Variants in COL4A5 observed in about 807,000 individuals in gnomAD.
The protein encoded by COL4A5 is collagen type IV alpha 5 chain.
Under a neutral mutation model 130.2 loss-of-function variants are expected in COL4A5, and 26 were observed. The observed-to-expected ratio is 0.20, with a 90% CI of 0.15 to 0.28. COL4A5 has a LOEUF of 0.28. Among genes scored for constraint, COL4A5 ranks in the 10% least tolerant of loss-of-function variants. COL4A5 has a pLI of 1.00. For missense variants in COL4A5, 1,131 were observed against 1,344.3 expected, an observed-to-expected ratio of 0.84 and a Z score of 2.48; for synonymous variants, 496 against 439.6, an observed-to-expected ratio of 1.13 and a Z score of -1.60.
At chrX:108,681,042 C>T (rs1441505797) in intron 46 of COL4A5, 86 bp downstream of exon 46, 1 of 844,048 alleles carries the variant, frequency 1.2e-6, no homozygotes, top group Non-Finnish European at 1.8e-6. Context: ...TTCAGCCAGA[C>T]CATCGGAGGC....
intron 30 of COL4A5, among the ~76,000 whole-genome samples, chrX:108,617,815 G>T (rs1213097809): frequency 9.0e-6 from 1 of 111,327 alleles, no homozygotes; most frequent in South Asian, 3.7e-4. Context: ...AAAGCATATG[G>T]CTAAATCAGC....
At chrX:108,480,502 T>C (rs922119833) in intron 1 of COL4A5, among the ~76,000 whole-genome samples, 2 of 113,042 alleles carry the variant, frequency 1.8e-5, no homozygotes, top group Non-Finnish European at 3.7e-5. Context: ...TCAAGGTCTC[T>C]CTGAATAAGA....
intron 2 of COL4A5, among the ~76,000 whole-genome samples, chrX:108,540,849 A>G (rs781419065): frequency 8.9e-6 from 1 of 112,559 alleles, no homozygotes; most frequent in African/African-American, 3.2e-5. Flanking sequence ...CCTAATCACT[A>G]TCAGTGAATG....
At chrX:108,458,968 A>C (rs1175880544) in intron 1 of COL4A5, among the ~76,000 whole-genome samples, 10 of 73,937 alleles carry the variant, frequency 1.4e-4, no homozygotes, top group Non-Finnish European at 2.4e-4. Flanking sequence ...TGACAGCGAG[A>C]CTCCGTCTCA....
intron 36 of COL4A5, among the ~76,000 whole-genome samples, chrX:108,654,290 T>G (rs1310067603): frequency 8.9e-6 from 1 of 112,401 alleles, no homozygotes; most frequent in Non-Finnish European, 1.9e-5. Context: ...CGGTTATACA[T>G]ATGTGAATTA....
At chrX:108,558,733 G>A (rs1486558498) in intron 2 of COL4A5, among the ~76,000 whole-genome samples, 2 of 110,948 alleles carry the variant, frequency 1.8e-5, no homozygotes, top group Non-Finnish European at 1.9e-5. Flanking sequence ...CTTATTTAAT[G>A]TAACCCTTAC....
chrX:108,546,435 C>T (rs1173166251), intron 2 of COL4A5, among the ~76,000 whole-genome samples: 2 of 111,949 alleles, frequency 1.8e-5, no homozygotes, highest in Non-Finnish European at 3.8e-5. Flanking sequence ...TGAATATTGG[C>T]CCCCACTCTC....
intron 47 of COL4A5, among the ~76,000 whole-genome samples, chrX:108,684,317 A>G (rs774284476): frequency 6.3e-5 from 7 of 111,632 alleles, no homozygotes; most frequent in Non-Finnish European, 1.1e-4. Flanking sequence ...AAATCAATGA[A>G]TCCAGGAGCT....
At chrX:108,498,224 G>A (rs1285674944) in intron 1 of COL4A5, among the ~76,000 whole-genome samples, 1 of 111,182 alleles carries the variant, frequency 9.0e-6, no homozygotes, top group Non-Finnish European at 1.9e-5. Flanking sequence ...TGGGTATACT[G>A]TTGTTTCATC....
At chrX:108,504,461 G>T (rs1033985449) in intron 1 of COL4A5, among the ~76,000 whole-genome samples, 1 of 111,848 alleles carries the variant, frequency 8.9e-6, no homozygotes, top group Non-Finnish European at 1.9e-5. Flanking sequence ...TACAGAATGG[G>T]AGAAAATATT....
chrX:108,530,961 A>G (rs1439322232), intron 1 of COL4A5, among the ~76,000 whole-genome samples: 1 of 99,458 alleles, frequency 1.0e-5, no homozygotes, highest in Non-Finnish European at 2.0e-5. Context: ...AACCAACCCA[A>G]ATGTCCAACA....
chrX:108,603,162 G>A (rs973635995), intron 28 of COL4A5, 101 bp downstream of exon 28: 11 of 449,290 alleles, frequency 2.4e-5, no homozygotes, highest in Non-Finnish European at 3.8e-5. Flanking sequence ...CAAGCCCCAA[G>A]TCTTTACTAT....
chrX:108,665,929 G>A (rs1193025034), intron 38 of COL4A5, among the ~76,000 whole-genome samples: 2 of 110,880 alleles, frequency 1.8e-5, no homozygotes, highest in South Asian at 3.9e-4. Flanking sequence ...ATGGGCTCCT[G>A]TAATCCCAGC....
intron 3 of COL4A5, among the ~76,000 whole-genome samples, chrX:108,561,973 C>G (rs779934339): frequency 2.8e-4 from 31 of 111,911 alleles, no homozygotes; most frequent in African/African-American, 7.8e-4. Context: ...ATGAACTACT[C>G]AGCTGAATTT....
intron 2 of COL4A5, among the ~76,000 whole-genome samples, chrX:108,545,524 C>T (rs952714640): frequency 1.8e-5 from 2 of 111,560 alleles, no homozygotes; most frequent in Non-Finnish European, 3.8e-5. Flanking sequence ...TGCTTTACTT[C>T]CAATGATGTG....
chrX:108,454,079 G>A (rs1314248298), intron 1 of COL4A5, among the ~76,000 whole-genome samples: 3 of 111,863 alleles, frequency 2.7e-5, no homozygotes, highest in Non-Finnish European at 3.8e-5. Context: ...CACAGTGCAT[G>A]GACTGGTTTC....
chrX:108,501,305 C>A (rs2065077559), intron 1 of COL4A5, among the ~76,000 whole-genome samples: 1 of 111,650 alleles, frequency 9.0e-6, no homozygotes, highest in Non-Finnish European at 1.9e-5. Flanking sequence ...ATAATCCTTC[C>A]CTTAAACCAC....
At position 108,526,648 on chromosome X, in the gene COL4A5, CT is replaced by C. The variant is rs1203614591; in HGVS notation, c.82-13095del. ...TCTTTCTTTCTTTCTTTCTTTCTTT[CT>C]TTCTTTCTTTCTTCTTTCTTTCTCT... On this transcript the variant is annotated intron_variant, in intron 1 of 52. Transcript: ENST00000328300. 8.9e-3 allele frequency among the ~76,000 whole-genome samples: 463 copies of C among 51,737 alleles called. 1 individual carries two copies. The highest frequency in any genetic ancestry group is 0.013 in the African/African-American group (117 of 9,358). 44.9% of individuals were successfully genotyped at this position (51,737 alleles called of 115,157 possible).
intron 2 of COL4A5, among the ~76,000 whole-genome samples, chrX:108,542,557 G>A (rs868519261): frequency 1.2e-3 from 127 of 110,264 alleles, no homozygotes; most frequent in Admixed American, 4.8e-4. Context: ...GAATAGTGCC[G>A]CAATAAATAT....
Sources: gnomAD v4.1 joint callset for allele counts (sites outside exome capture counted in the v4.1 genomes callset) on GRCh38, gnomAD v4.1.1 for gene constraint, MANE v1.5 for transcripts, NCBI Gene and HGNC (gene_info 2026-07-23, HGNC 2026-07-21) for gene names.